The following USP47 variants were observed in gnomAD, a reference collection of about 807,000 sequenced individuals.
USP47 encodes ubiquitin carboxyl-terminal hydrolase 47.
Under a neutral mutation model 165.1 loss-of-function variants are expected in USP47, and 35 were observed. That is an observed-to-expected ratio of 0.21 (90% CI 0.16 to 0.28). The LOEUF (loss-of-function observed/expected upper bound fraction) is 0.28. USP47 is among the 10% of genes least tolerant of loss of function. The pLI, the probability that USP47 is intolerant of heterozygous loss-of-function variation, is 1.00. For missense variants in USP47, 1,277 were observed against 1,607.4 expected (o/e 0.79, Z 3.52); for synonymous variants, 531 against 544.5 (o/e 0.98, Z 0.35).
Position 11,860,872 on chromosome 11 carries a change from A to C in USP47, c.39+18648A>C, listed in dbSNP as rs1849340802. On this transcript the variant is annotated intron_variant, in intron 1 of 27. Transcript: ENST00000527733. ...TTAAAAGGAGCAAGGCAGAGTGGGAAGAGTATTAGGATAAAAGTGAGAGGA... is the reference window on the plus strand; with the variant it reads ...TTAAAAGGAGCAAGGCAGAGTGGGACGAGTATTAGGATAAAAGTGAGAGGA... Among the ~76,000 whole-genome samples, 5 of 152,336 alleles carry C rather than the reference A, an allele frequency of 3.3e-5. No homozygotes were observed. In the South Asian group the frequency reaches 1.0e-3, roughly 32 times the overall value.
At chr11:11,843,300 A>G (rs1848245328) in intron 1 of USP47, among the ~76,000 whole-genome samples, 1 of 152,240 alleles carries the variant, frequency 6.6e-6, no homozygotes, top group South Asian at 2.1e-4. Context: ...GTATGATACA[A>G]GTATTTTCCC....
At chr11:11,863,167 G>C (rs1005776616) in intron 1 of USP47, among the ~76,000 whole-genome samples, 1 of 152,166 alleles carries the variant, frequency 6.6e-6, no homozygotes, top group African/African-American at 2.4e-5. Context: ...ATTATTTACA[G>C]ATGTTGTGAT....
intron 1 of USP47, 40 bp downstream of exon 1, chr11:11,842,264 C>G (rs985994071): frequency 7.1e-6 from 11 of 1,546,960 alleles, no homozygotes; most frequent in Non-Finnish European, 7.9e-6. Context: ...AGGCCTGCGG[C>G]CGCTCGAGGC....
Position 11,960,197 on chromosome 11 carries a change from T to C in USP47, c.*4022T>C, listed in dbSNP as rs1847389895. ...CCTCCATAGTGCCTCCAAGATGTGC[T>C]GTCCCTGCCAACTCCTGCACCAGCT... On this transcript the variant is annotated 3_prime_UTR_variant, in exon 28 of 28. Coordinates refer to ENST00000527733, the MANE Select transcript of USP47 (RefSeq NM_001282659.2). Among the ~76,000 whole-genome samples, 1 of 152,206 alleles carries C rather than the reference T, an allele frequency of 6.6e-6. No individual in the cohort carries two copies. Among genetic ancestry groups the C allele is most frequent in the African/African-American group, 2.4e-5 (1 of 41,454 alleles).
At chr11:11,935,535 T>G (rs1854995712) in intron 16 of USP47, among the ~76,000 whole-genome samples, 1 of 151,732 alleles carries the variant, frequency 6.6e-6, no homozygotes, top group Admixed American at 6.6e-5. Flanking sequence ...AGAGCTTCAT[T>G]GTTGGGGATG....
At chr11:11,857,416 CTTTGACATTTTAAATTCGT>C (rs1195167711) in intron 1 of USP47, among the ~76,000 whole-genome samples, 1 of 152,064 alleles carries the variant, frequency 6.6e-6, no homozygotes, top group Admixed American at 6.5e-5. Context: ...AGAAATATTG[CTTTGACATTTTAAATTCGT>C]ATGTCTTGAA....
Position 11,924,050 on chromosome 11 carries a change from A to T in USP47, c.1386+1159A>T, listed in dbSNP as rs549936604. 4.6e-5 allele frequency among the ~76,000 whole-genome samples: 7 copies of T among 152,358 alleles called. No individual in the cohort carries two copies. The South Asian group carries it at 1.4e-3, about 32-fold the overall frequency. ...GGACTTCCAATGCAGTGTTGAATAGAGTGGTGAGGGAGAACTTCCTTACCT... is the reference window on the plus strand; with the variant it reads ...GGACTTCCAATGCAGTGTTGAATAGTGTGGTGAGGGAGAACTTCCTTACCT... On this transcript the variant is annotated intron_variant, in intron 11 of 27. Transcript: ENST00000527733.
intron 3 of USP47, among the ~76,000 whole-genome samples, chr11:11,885,345 C>T (rs1037142836): frequency 3.3e-5 from 5 of 152,102 alleles, no homozygotes; most frequent in Non-Finnish European, 7.4e-5. Flanking sequence ...AGTTCTCGCA[C>T]TGAGACTGAT....
Position 11,912,614 on chromosome 11 carries a change from A to C in USP47, c.969+7066A>C, listed in dbSNP as rs555279869. 1.4e-3 allele frequency among the ~76,000 whole-genome samples: 220 copies of C among 152,114 alleles called. 1 individual carries two copies. The highest frequency in any genetic ancestry group is 6.8e-3 in the Middle Eastern group (2 of 294). On this transcript the variant is annotated intron_variant, in intron 8 of 27. Transcript: ENST00000527733. ...TGTATCAAACATTCGAAGAACAGTGAACACCAGGTCTGTACAATTTCTTTT... is the reference window on the plus strand; with the variant it reads ...TGTATCAAACATTCGAAGAACAGTGCACACCAGGTCTGTACAATTTCTTTT...
chr11:11,898,285 GC>G (rs1166001169), intron 5 of USP47, among the ~76,000 whole-genome samples: 1 of 151,854 alleles, frequency 6.6e-6, no homozygotes, highest in Non-Finnish European at 1.5e-5. Flanking sequence ...ACACACCTTT[GC>G]TTTGTATATT....
Position 11,893,278 on chromosome 11 carries a change from G to A in USP47, c.496+1172G>A, listed in dbSNP as rs183488186. On this transcript the variant is annotated intron_variant, in intron 4 of 27. Transcript: ENST00000527733. ...AGGAAATGAAAACGGGTTCAGAGAA[G>A]CCTTTGATTGCATATGTCATTAATG... Among the ~76,000 whole-genome samples, 6 of 152,236 alleles carry A rather than the reference G, an allele frequency of 3.9e-5. No individual in the cohort carries two copies. In the East Asian group the frequency reaches 1.2e-3, roughly 29 times the overall value.
At chr11:11,842,640 C>A (rs1455713677) in intron 1 of USP47, among the ~76,000 whole-genome samples, 2 of 150,048 alleles carry the variant, frequency 1.3e-5, no homozygotes, top group East Asian at 3.9e-4. Flanking sequence ...GTATAGCTTT[C>A]AGCGCTTGTG....
At chr11:11,843,443 G>A (rs549954138) in intron 1 of USP47, among the ~76,000 whole-genome samples, 12 of 152,322 alleles carry the variant, frequency 7.9e-5, no homozygotes, top group African/African-American at 2.2e-4. Context: ...GAGTTAATCA[G>A]AATTCTTGCC....
intron 1 of USP47, among the ~76,000 whole-genome samples, chr11:11,869,756 T>G (rs1849911575): frequency 6.6e-6 from 1 of 152,168 alleles, no homozygotes; most frequent in African/African-American, 2.4e-5. Flanking sequence ...TCAAATACCT[T>G]TAAGAGGTAT....
intron 22 of USP47, 49 bp downstream of exon 22, chr11:11,948,607 G>T: frequency 6.8e-7 from 1 of 1,471,234 alleles, no homozygotes; most frequent in Admixed American, 1.8e-5. Flanking sequence ...TACAGTTACT[G>T]AAAACATAGA....
chr11:11,882,132 A>G (rs1235106599), intron 2 of USP47, among the ~76,000 whole-genome samples: 1 of 152,180 alleles, frequency 6.6e-6, no homozygotes, highest in African/African-American at 2.4e-5. Context: ...CTAGTTCAGT[A>G]ACCATCAATC....
intron 4 of USP47, among the ~76,000 whole-genome samples, 156 bp from the exon 5 acceptor site, chr11:11,897,441 G>A (rs994159282): frequency 2.6e-5 from 4 of 151,974 alleles, no homozygotes; most frequent in Non-Finnish European, 5.9e-5. Context: ...TTAGAAAAGG[G>A]ATCTTTTCTT....
At chr11:11,871,870 G>A (rs893810161) in intron 1 of USP47, among the ~76,000 whole-genome samples, 1 of 152,112 alleles carries the variant, frequency 6.6e-6, no homozygotes, top group Non-Finnish European at 1.5e-5. Flanking sequence ...TGCTTTCACA[G>A]GGATCATTAC....
chr11:11,844,322 C>G (rs913173780), intron 1 of USP47, among the ~76,000 whole-genome samples: 7 of 152,176 alleles, frequency 4.6e-5, no homozygotes, highest in African/African-American at 1.7e-4. Flanking sequence ...CAAGGCCTTT[C>G]TCTTCTTTTT....
Sources: allele counts gnomAD v4.1 joint callset (sites outside exome capture counted in the v4.1 genomes callset), GRCh38; gene constraint gnomAD v4.1.1; transcripts MANE v1.5; gene names NCBI Gene and HGNC (gene_info 2026-07-23, HGNC 2026-07-21).